DPYSL5: variants seen among roughly 807,000 people sequenced by gnomAD.
The protein encoded by DPYSL5 is dihydropyrimidinase like 5.
DPYSL5 carries 9 observed loss-of-function variants against 58.4 expected under a neutral mutation model. The observed-to-expected ratio is 0.15, with a 90% CI of 0.09 to 0.27. The LOEUF is 0.27. Ranked by LOEUF, DPYSL5 falls within the 10% of genes least tolerant of loss-of-function variation. The probability of loss-of-function intolerance (pLI) is 1.00; values close to 1 mark genes in which losing one functional copy is unlikely to be tolerated. For synonymous variants in DPYSL5, 293 were observed against 301.9 expected, an observed-to-expected ratio of 0.97 and a Z score of 0.31; for missense variants, 499 against 770.6, an observed-to-expected ratio of 0.65 and a Z score of 4.17.
At chr2:26,850,016 G>T (rs569458913) in intron 1 of DPYSL5, among the ~76,000 whole-genome samples, 56 of 152,344 alleles carry the variant, frequency 3.7e-4, no homozygotes, top group African/African-American at 1.3e-3. Flanking sequence ...GTGCAGCGCG[G>T]GTTCCCCCGA....
rs1409009410 is a variant in DPYSL5 at position 26,942,689 on chromosome 2, A to G, written c.1379A>G (p.Lys460Arg). Residue 460 changes from lysine (K) to arginine (R), a missense_variant, in exon 11 of 13, where the codon AAG becomes AGG. Physicochemically the swap from Lys to Arg is conservative, Grantham distance 26. Around this residue, in one of 3 missense-constraint regions of DPYSL5, gnomAD observed 404 missense variants for 647.6 expected, o/e 0.62. Transcript: ENST00000288699. This position sits in a 1 kb window ranked among gnomAD's most constrained non-coding sequence, Gnocchi z 5.9. Reference protein sequence around the residue: ...GVFMCAEGTGKFCPLRSFPDT... With the variant: ...GVFMCAEGTGRFCPLRSFPDT... ...TTCATGTGCGCCGAGGGCACCGGCA[A>G]GTTCTGTCCCCTGAGGTCCTTCCCA... The G allele has an allele frequency of 1.2e-6, 2 of 1,614,096 alleles. No homozygotes were observed. Among genetic ancestry groups the G allele is most frequent in the Non-Finnish European group, 1.7e-6 (2 of 1,180,036 alleles).
chr2:26,891,408 C>T (rs1270892850), intron 1 of DPYSL5, among the ~76,000 whole-genome samples: 2 of 152,158 alleles, frequency 1.3e-5, no homozygotes, highest in Non-Finnish European at 2.9e-5. Flanking sequence ...CAGAGAGGTT[C>T]CAGGGCTCCC....
Position 26,932,091 on chromosome 2 carries a change from AAGAAAG to A in DPYSL5, c.714+415_714+420del, listed in dbSNP as rs1227582717. ...AAAGAAAGAAAGAAAGAAAAGAAAA[AAGAAAG>A]AGAAAGAAAGAAAAGAAAAAAGAAA... is the stretch of plus-strand genomic sequence containing the variant. On this transcript the variant is annotated intron_variant, in intron 6 of 12. Transcript: ENST00000288699. Among the ~76,000 whole-genome samples the A allele has an allele frequency of 4.7e-4, 41 of 87,250 alleles. 6 individuals are homozygous for A. Among genetic ancestry groups the A allele is most frequent in the Non-Finnish European group, 9.8e-4 (39 of 39,912 alleles). The allele number at this position is 87,250 out of a possible 152,430, so 57.2% of individuals were successfully genotyped here. A position where few individuals can be genotyped will look rare whatever the true frequency, so the allele number is the denominator to read the frequency against.
rs1185223003 is a variant in DPYSL5 at position 26,938,183 on chromosome 2, G to A, written c.948-1848G>A. ...GAGGGCCTCCTAGAATGTAACTACC[G>A]TCATTCACAGCTGCTTAGTGGGTAC... is the stretch of plus-strand genomic sequence containing the variant. On this transcript the variant is annotated intron_variant, in intron 8 of 12. Coordinates refer to ENST00000288699, the MANE Select transcript of DPYSL5 (RefSeq NM_020134.4). Among the ~76,000 whole-genome samples, 16 of 152,292 alleles carry A rather than the reference G, an allele frequency of 1.1e-4. No homozygotes were observed. The East Asian group carries it at 1.2e-3, about 11-fold the overall frequency.
In DPYSL5 at chr2:26,949,014, A is replaced by C. The variant is rs1665564723; in HGVS notation, c.*2019A>C. On this transcript the variant is annotated 3_prime_UTR_variant, in exon 13 of 13. Transcript: ENST00000288699. ...CAGATGAGGAAACTAAGACCCAGAA[A>C]GTTCAGGTCCTCTGACCCCAGAAGT... 1 of 152,218 alleles carries C rather than the reference A, an allele frequency of 6.6e-6. No homozygotes were observed. Among genetic ancestry groups the C allele is most frequent in the South Asian group, 2.1e-4 (1 of 4,832 alleles). The allele number at this position is 152,218 out of a possible 1,614,324, so 9.4% of individuals were successfully genotyped here.
At position 26,934,839 on chromosome 2, in the gene DPYSL5, A is replaced by C. The variant is rs1019968240; in HGVS notation, c.947+105A>C. The C allele has an allele frequency of 6.9e-7, 1 of 1,451,126 alleles. No individual in the cohort carries two copies. The highest frequency in any genetic ancestry group is 9.4e-7 in the Non-Finnish European group (1 of 1,062,760). 89.9% of individuals were successfully genotyped at this position (1,451,126 alleles called of 1,614,324 possible). ...AGCTAGGTTTGATTTCATTGTGCCC[A>C]TAGGATCATTGTGCTTTTCTTACCT... On this transcript the variant is annotated intron_variant, in intron 8 of 12. Coordinates refer to ENST00000288699, the MANE Select transcript of DPYSL5 (RefSeq NM_020134.4). This position sits in a 1 kb window ranked among gnomAD's most constrained non-coding sequence, Gnocchi z 4.3.
intron 1 of DPYSL5, among the ~76,000 whole-genome samples, chr2:26,866,723 ATTC>A (rs201325068): frequency 1.9e-3 from 285 of 149,982 alleles, no homozygotes; most frequent in Admixed American, 3.0e-3. Context: ...AAACTTAAAA[ATTC>A]TTCTTCTTTT....
At chr2:26,931,203 G>GTGTATATATATATATATATATATA (rs1474347605) in intron 5 of DPYSL5, among the ~76,000 whole-genome samples, 8 of 44,930 alleles carry the variant, frequency 1.8e-4, no homozygotes, top group African/African-American at 4.0e-4. Context: ...GTGTGTGTGT[G>GTGTATATATATATATATATATATA]TATATATATA....
At chr2:26,903,179 C>T (rs772649306) in intron 2 of DPYSL5, among the ~76,000 whole-genome samples, 3 of 151,966 alleles carry the variant, frequency 2.0e-5, no homozygotes, top group Non-Finnish European at 4.4e-5. Context: ...ACACGATTCT[C>T]ATGCCTCAGC....
chr2:26,857,377 A>G (rs1373859556), intron 1 of DPYSL5, among the ~76,000 whole-genome samples: 1 of 152,202 alleles, frequency 6.6e-6, no homozygotes, highest in South Asian at 2.1e-4. Context: ...CGTCTCTACT[A>G]AAAAACACAA....
Position 26,860,364 on chromosome 2 carries a change from A to T in DPYSL5, c.-5+12110A>T, listed in dbSNP as rs1262372885. 2.6e-5 allele frequency among the ~76,000 whole-genome samples: 4 copies of T among 152,344 alleles called. No homozygotes were observed. In the East Asian group the frequency reaches 5.8e-4, roughly 22 times the overall value. ...CCTCCTGTGTCTGTCAAATGAGAAG[A>T]TGCAGACTGGATGCTGTCCTGACTG... On this transcript the variant is annotated intron_variant, in intron 1 of 12. Coordinates refer to ENST00000288699, the MANE Select transcript of DPYSL5 (RefSeq NM_020134.4).
At chr2:26,848,980 G>A (rs1350556544) in intron 1 of DPYSL5, among the ~76,000 whole-genome samples, 1 of 152,184 alleles carries the variant, frequency 6.6e-6, no homozygotes, top group East Asian at 1.9e-4. Flanking sequence ...CCCCGGGCCT[G>A]GGGACGGGGC....
At chr2:26,872,199 TG>T (rs1166011503) in intron 1 of DPYSL5, among the ~76,000 whole-genome samples, 2 of 152,236 alleles carry the variant, frequency 1.3e-5, no homozygotes, top group African/African-American at 4.8e-5. Flanking sequence ...AGCATGAGTC[TG>T]GCTCAGATGA....
At chr2:26,880,492 G>C (rs1663531135) in intron 1 of DPYSL5, among the ~76,000 whole-genome samples, 1 of 152,178 alleles carries the variant, frequency 6.6e-6, no homozygotes, top group African/African-American at 2.4e-5. Context: ...GTCTCATTCA[G>C]AGCCTCGACC....
intron 1 of DPYSL5, among the ~76,000 whole-genome samples, chr2:26,881,649 A>G (rs1267464654): frequency 4.6e-5 from 7 of 152,240 alleles, no homozygotes; most frequent in Non-Finnish European, 8.8e-5. Flanking sequence ...GCTTAAAGTC[A>G]GAGGCAGGTA....
intron 8 of DPYSL5, among the ~76,000 whole-genome samples, chr2:26,936,970 T>G (rs990873664): frequency 4.5e-5 from 3 of 66,512 alleles, no homozygotes; most frequent in Non-Finnish European, 1.1e-4. Context: ...AAGCTTGTTT[T>G]GAGAAGAATC....
In DPYSL5 at chr2:26,892,502, A is replaced by G. The variant is rs542430827; in HGVS notation, c.-4-5994A>G. ...GATTATGCAGCAATTTTTCCAGCAT[A>G]AGTATTCCTAGTTTTCCTCTTACCT... On this transcript the variant is annotated intron_variant, in intron 1 of 12. Coordinates refer to ENST00000288699, the MANE Select transcript of DPYSL5 (RefSeq NM_020134.4). Among the ~76,000 whole-genome samples the G allele has an allele frequency of 5.3e-5, 8 of 152,200 alleles. No individual in the cohort carries two copies. The East Asian group carries it at 1.5e-3, about 29-fold the overall frequency.
chr2:26,940,937 A>ATTT (rs67016261), intron 9 of DPYSL5, among the ~76,000 whole-genome samples: 9 of 40,614 alleles, frequency 2.2e-4, no homozygotes, highest in African/African-American at 2.8e-4. Flanking sequence ...TATTATTATT[A>ATTT]TTTATTTTTT....
intron 1 of DPYSL5, among the ~76,000 whole-genome samples, chr2:26,865,234 G>A (rs950476018): frequency 6.6e-6 from 1 of 150,886 alleles, no homozygotes; most frequent in Non-Finnish European, 1.5e-5. Context: ...CCAACAAATA[G>A]CACAGAAAGC....
Sources: gnomAD v4.1 joint callset for allele counts (sites outside exome capture counted in the v4.1 genomes callset) on GRCh38, gnomAD v4.1.1 for gene constraint, gnomAD v4.1.1 regional missense constraint, Gnocchi (gnomAD v3.1) non-coding constraint, MANE v1.5 for transcripts, NCBI Gene and HGNC (gene_info 2026-07-23, HGNC 2026-07-21) for gene names.